Variants in EPB41L2 observed in about 807,000 individuals in gnomAD.
The protein encoded by EPB41L2 is band 4.1-like protein 2.
A neutral mutation model predicts 113.0 loss-of-function variants in EPB41L2; 43 were observed. The ratio of observed to expected loss-of-function variants is 0.38; its 90% CI spans 0.30 to 0.49. The LOEUF (loss-of-function observed/expected upper bound fraction) is 0.49. EPB41L2 is among the 20% of genes least tolerant of loss of function. EPB41L2 has a pLI of 0.95. For missense variants in EPB41L2, 1,147 were observed against 1,223.4 expected (o/e 0.94, Z 0.93); for synonymous variants, 442 against 436.7 (o/e 1.01, Z -0.15).
intron 12 of EPB41L2, among the ~76,000 whole-genome samples, chr6:130,884,163 C>T (rs984874146): frequency 6.6e-5 from 10 of 151,908 alleles, no homozygotes; most frequent in African/African-American, 1.9e-4. Context: ...GGTGAAACCC[C>T]GTCTCTCTAA....
At chr6:130,950,187 T>C (rs1814390708) in intron 3 of EPB41L2, among the ~76,000 whole-genome samples, 1 of 152,058 alleles carries the variant, frequency 6.6e-6, no homozygotes, top group Admixed American at 6.6e-5. Flanking sequence ...ATGTTTTAAG[T>C]GTTAAGAAAT....
chr6:130,916,659 C>A lies in EPB41L2; in HGVS notation c.811-7796G>T, dbSNP rs557959236. On this transcript the variant is annotated intron_variant, in intron 4 of 19. Coordinates refer to ENST00000337057, the MANE Select transcript of EPB41L2 (RefSeq NM_001431.4). ...TGACATTTCAAACTCCTGTAATGCT[C>A]TCTGCTACATCAAAAGAACAGTTTA... 1.0e-3 allele frequency among the ~76,000 whole-genome samples: 157 copies of A among 152,288 alleles called. 4 individuals carry two copies. In the South Asian group the frequency reaches 0.032, roughly 31 times the overall value.
rs149192321 is a variant in EPB41L2 at position 130,899,698 on chromosome 6, C to G, written c.1149-120G>C. 5.9e-5 allele frequency: 50 copies of G among 843,758 alleles called. No homozygotes were observed. The East Asian group carries it at 1.3e-3, about 22-fold the overall frequency. 52.3% of individuals were successfully genotyped at this position (843,758 alleles called of 1,614,324 possible). A position where few individuals can be genotyped will look rare whatever the true frequency, so the allele number is the denominator to read the frequency against. On this transcript the variant is annotated intron_variant, in intron 7 of 19. Coordinates refer to ENST00000337057, the MANE Select transcript of EPB41L2 (RefSeq NM_001431.4). ...AGAGAAAGTTACCCAGCCAAGTTTG[C>G]AGAAAAGTAGGAAATGGTAAGAAAA...
chr6:130,913,891 G>GA (rs1339781695), intron 4 of EPB41L2, among the ~76,000 whole-genome samples: 1 of 152,122 alleles, frequency 6.6e-6, no homozygotes, highest in East Asian at 1.9e-4. Flanking sequence ...CAAAAAGATG[G>GA]AAAATGCCAT....
chr6:131,038,163 C>T (rs1168211429), intron 1 of EPB41L2, among the ~76,000 whole-genome samples: 3 of 152,156 alleles, frequency 2.0e-5, no homozygotes, highest in African/African-American at 7.2e-5. Flanking sequence ...GCAATTTAAG[C>T]AATATAATAA....
Position 130,855,015 on chromosome 6 carries a change from G to A in EPB41L2, c.*5+3116C>T, listed in dbSNP as rs140982428. On this transcript the variant is annotated intron_variant, in intron 19 of 19. Transcript: ENST00000337057. ...ATCACACCACTGCACTCCAGCCTGG[G>A]AGACAGAGGGATACTTTGTCTCAAA... Among the ~76,000 whole-genome samples, 1,397 of 152,158 alleles carry A rather than the reference G, an allele frequency of 9.2e-3. 18 individuals carry two copies. Among genetic ancestry groups the A allele is most frequent in the African/African-American group, 0.029 (1,217 of 41,496 alleles).
rs1157328513 is a variant in EPB41L2, at chr6:130,867,964, ACACACACACTCTCTCTCT to A, written c.2608-401_2608-384del. 4.3e-5 allele frequency: 7 copies of A among 162,140 alleles called. No homozygotes were observed. In the South Asian group the frequency reaches 4.7e-4, roughly 11 times the overall value. 10.0% of individuals were successfully genotyped at this position (162,140 alleles called of 1,614,324 possible). A position where few individuals can be genotyped will look rare whatever the true frequency, so the allele number is the denominator to read the frequency against. ...CACACACACACACACACACACACAC[ACACACACACTCTCTCTCT>A]CTCTCTCTCTCTCTCTCCTCCTCCC... On this transcript the variant is annotated intron_variant, in intron 15 of 19. Transcript: ENST00000337057.
At chr6:130,860,955 T>C (rs943397860) in intron 18 of EPB41L2, among the ~76,000 whole-genome samples, 2 of 152,226 alleles carry the variant, frequency 1.3e-5, no homozygotes, top group African/African-American at 4.8e-5. Context: ...GGGTGAAGAA[T>C]CTGCAAAGCA....
chr6:130,903,614 A>G (rs1318151705), intron 6 of EPB41L2, among the ~76,000 whole-genome samples: 1 of 152,164 alleles, frequency 6.6e-6, no homozygotes, highest in Non-Finnish European at 1.5e-5. Flanking sequence ...CATGCACTGC[A>G]CACAGTTGTA....
At position 130,888,507 on chromosome 6, in the gene EPB41L2, CT is replaced by C. The variant is rs550574639; in HGVS notation, c.1660+1786del. 1.2e-3 allele frequency among the ~76,000 whole-genome samples: 187 copies of C among 152,290 alleles called. 1 individual carries two copies. Among genetic ancestry groups the C allele is most frequent in the East Asian group, 3.9e-4 (2 of 5,184 alleles). On this transcript the variant is annotated intron_variant, in intron 11 of 19. Coordinates refer to ENST00000337057, the MANE Select transcript of EPB41L2 (RefSeq NM_001431.4). Reference sequence around the variant, plus strand: ...CAGTTTGTATACCTCAAAGAAAATGCTGTTTTACTGCTCTTTTTAAATGCTA... The same window carrying C: ...CAGTTTGTATACCTCAAAGAAAATGCGTTTTACTGCTCTTTTTAAATGCTA...
chr6:130,964,439 TG>T (rs1438847504), intron 1 of EPB41L2, among the ~76,000 whole-genome samples: 5 of 151,850 alleles, frequency 3.3e-5, no homozygotes, highest in African/African-American at 1.2e-4. Flanking sequence ...TTATTAGCCA[TG>T]TAACCGCAGA....
chr6:131,025,087 A>T (rs1220628889), intron 1 of EPB41L2, among the ~76,000 whole-genome samples: 1 of 151,570 alleles, frequency 6.6e-6, no homozygotes, highest in Admixed American at 6.6e-5. Flanking sequence ...GATTGCTTTT[A>T]TATAAATTAT....
chr6:131,029,903 C>CT lies in EPB41L2; in HGVS notation c.-15+33251dup, dbSNP rs1234856068. Among the ~76,000 whole-genome samples, 346 of 139,966 alleles carry CT rather than the reference C, an allele frequency of 2.5e-3. 3 individuals carry two copies. Among genetic ancestry groups the CT allele is most frequent in the Middle Eastern group, 7.5e-3 (2 of 266 alleles). 91.8% of individuals were successfully genotyped at this position (139,966 alleles called of 152,430 possible). A position where few individuals can be genotyped will look rare whatever the true frequency, so the allele number is the denominator to read the frequency against. ...CAAGGGAGGATTTTTCTCTTTTTTT[C>CT]TTTTTTTTTTTTTTATGCAGCACCC... On this transcript the variant is annotated intron_variant, in intron 1 of 19. Transcript: ENST00000337057.
At chr6:131,013,880 T>A (rs1287061787) in intron 1 of EPB41L2, among the ~76,000 whole-genome samples, 2 of 152,180 alleles carry the variant, frequency 1.3e-5, no homozygotes, top group Admixed American at 6.5e-5. Context: ...GCTCATAAAG[T>A]GTGCCACACC....
chr6:130,901,759 C>G (rs1796367582), intron 6 of EPB41L2, among the ~76,000 whole-genome samples: 1 of 152,204 alleles, frequency 6.6e-6, no homozygotes, highest in South Asian at 2.1e-4. Flanking sequence ...CTCTATATGA[C>G]CTTGAGCAAG....
intron 11 of EPB41L2, among the ~76,000 whole-genome samples, chr6:130,888,024 T>C (rs1039781168): frequency 6.6e-6 from 1 of 152,244 alleles, no homozygotes; most frequent in Non-Finnish European, 1.5e-5. Context: ...AGAGGATTTA[T>C]TTTAATTTGC....
chr6:130,956,942 CACT>C (rs1305674097), intron 1 of EPB41L2, among the ~76,000 whole-genome samples: 2 of 152,202 alleles, frequency 1.3e-5, no homozygotes, highest in Non-Finnish European at 2.9e-5. Flanking sequence ...AGACACATTT[CACT>C]ACAATTTCAT....
chr6:130,918,745 CCTTTA>C (rs1801923250), intron 4 of EPB41L2, among the ~76,000 whole-genome samples: 1 of 152,084 alleles, frequency 6.6e-6, no homozygotes, highest in Non-Finnish European at 1.5e-5. Context: ...TTTTCACTCA[CCTTTA>C]CTTTATAATG....
At chr6:131,018,199 G>A (rs73623501) in intron 1 of EPB41L2, among the ~76,000 whole-genome samples, 2,569 of 152,192 alleles carry the variant, frequency 0.017, 84 homozygotes, top group African/African-American at 0.058. Context: ...CTGCTCTGCC[G>A]TCTTTAACAC....
Sources: gnomAD v4.1 joint callset for allele counts (sites outside exome capture counted in the v4.1 genomes callset) on GRCh38, gnomAD v4.1.1 for gene constraint, MANE v1.5 for transcripts, NCBI Gene and HGNC (gene_info 2026-07-23, HGNC 2026-07-21) for gene names.